The following CFAP61 variants were observed in gnomAD, a reference collection of about 807,000 sequenced individuals.
CFAP61 encodes cilia and flagella associated protein 61.
Under a neutral mutation model 135.6 loss-of-function variants are expected in CFAP61, and 107 were observed. That is an observed-to-expected ratio of 0.79 (90% CI 0.67 to 0.93). The LOEUF (loss-of-function observed/expected upper bound fraction) is 0.93, where lower values mean the gene tolerates loss of function less well. Ranked by LOEUF, CFAP61 falls within the 40% of genes least tolerant of loss-of-function variation. The probability of loss-of-function intolerance (pLI) is 0.00; values close to 1 mark genes in which losing one functional copy is unlikely to be tolerated. For synonymous variants in CFAP61, 575 were observed against 578.5 expected (o/e 0.99, Z 0.09); for missense variants, 1,507 against 1,556.2 (o/e 0.97, Z 0.53).
chr20:20,196,017 G>T (rs1478179337), intron 15 of CFAP61, among the ~76,000 whole-genome samples: 1 of 152,222 alleles, frequency 6.6e-6, no homozygotes, highest in African/African-American at 2.4e-5. Flanking sequence ...GGAGGTGAAG[G>T]TTGCAGTGAG....
chr20:20,190,899 C>T (rs1375851009), intron 14 of CFAP61, among the ~76,000 whole-genome samples: 1 of 151,992 alleles, frequency 6.6e-6, no homozygotes, highest in African/African-American at 2.4e-5. Context: ...CAGGTGGATT[C>T]CTTGAGGCCA....
chr20:20,324,194 C>T (rs907522874), intron 25 of CFAP61, among the ~76,000 whole-genome samples: 2 of 152,094 alleles, frequency 1.3e-5, no homozygotes, highest in Admixed American at 1.3e-4. Context: ...TGCCCTCTTC[C>T]TTCACAGAGC....
At chr20:20,210,582 A>G (rs1463988699) in intron 17 of CFAP61, among the ~76,000 whole-genome samples, 2 of 152,226 alleles carry the variant, frequency 1.3e-5, no homozygotes. Flanking sequence ...ATCTGCTAGT[A>G]CAAAAACAAC....
At chr20:20,276,710 C>T (rs1170974161) in intron 21 of CFAP61, among the ~76,000 whole-genome samples, 1 of 152,162 alleles carries the variant, frequency 6.6e-6, no homozygotes, top group Non-Finnish European at 1.5e-5. Context: ...GGAAAACTTC[C>T]TTGAAATCAA....
intron 8 of CFAP61, among the ~76,000 whole-genome samples, chr20:20,137,214 A>T (rs2050999146): frequency 6.6e-6 from 1 of 152,228 alleles, no homozygotes; most frequent in Non-Finnish European, 1.5e-5. Flanking sequence ...ACCTTAAGGC[A>T]GCACAGCCAT....
intron 19 of CFAP61, among the ~76,000 whole-genome samples, chr20:20,249,516 G>A (rs752565464): frequency 1.3e-5 from 2 of 152,188 alleles, no homozygotes; most frequent in Non-Finnish European, 2.9e-5. Flanking sequence ...TCTAGGCTGG[G>A]TGACAGAGTG....
At chr20:20,256,590 G>A (rs2051605781) in intron 20 of CFAP61, among the ~76,000 whole-genome samples, 1 of 152,190 alleles carries the variant, frequency 6.6e-6, no homozygotes, top group Non-Finnish European at 1.5e-5. Context: ...ATCTCCATCA[G>A]AGACAGAACT....
intron 20 of CFAP61, among the ~76,000 whole-genome samples, chr20:20,257,628 CAAAAAAA>C (rs79177514): frequency 8.1e-5 from 3 of 36,822 alleles, no homozygotes; most frequent in African/African-American, 2.4e-4. Flanking sequence ...AACAAAAAAA[CAAAAAAA>C]AAAAAGAAAA....
chr20:20,265,177 A>G (rs1397133746), intron 21 of CFAP61, among the ~76,000 whole-genome samples: 1 of 152,202 alleles, frequency 6.6e-6, no homozygotes, highest in Non-Finnish European at 1.5e-5. Flanking sequence ...GACAAAATGC[A>G]CAGTTCATCT....
chr20:20,131,357 G>C (rs1352350229), intron 8 of CFAP61, among the ~76,000 whole-genome samples: 1 of 151,556 alleles, frequency 6.6e-6, no homozygotes, highest in Non-Finnish European at 1.5e-5. Flanking sequence ...TGTTATATTT[G>C]GTAGTTCATA....
At chr20:20,109,430 C>A (rs2048641458) in intron 8 of CFAP61, among the ~76,000 whole-genome samples, 1 of 152,156 alleles carries the variant, frequency 6.6e-6, no homozygotes, top group Non-Finnish European at 1.5e-5. Context: ...GTTGAGCTCT[C>A]CTTGGGTAAA....
At chr20:20,134,200 A>G (rs533653203) in intron 8 of CFAP61, among the ~76,000 whole-genome samples, 2 of 152,368 alleles carry the variant, frequency 1.3e-5, no homozygotes, top group South Asian at 4.1e-4. Context: ...TAGCCTCCAC[A>G]TAGACTTCAT....
chr20:20,277,449 C>T lies in CFAP61; in HGVS notation c.2787C>T (p.Leu929=), dbSNP rs745413296. The change falls in exon 22 of 27, where the codon CTC becomes CTT. Residue 929 remains leucine (L), a synonymous_variant. Transcript: ENST00000245957. ...SFTTPTKPFR[L]QCSMFFSFCE... is the part of the protein sequence containing the mutation. ...CCACACCCACCAAGCCTTTCAGACT[C>T]CAGTGCTCTGTAAGTGGGTCCCTGC... The T allele has an allele frequency of 1.2e-6, 2 of 1,607,190 alleles. No homozygotes were observed. Among genetic ancestry groups the T allele is most frequent in the Non-Finnish European group, 1.7e-6 (2 of 1,175,306 alleles).
chr20:20,322,303 T>C (rs966588354), intron 25 of CFAP61, among the ~76,000 whole-genome samples: 1 of 152,198 alleles, frequency 6.6e-6, no homozygotes, highest in Non-Finnish European at 1.5e-5. Flanking sequence ...CATTAATACA[T>C]AACTGAAATG....
intron 9 of CFAP61, among the ~76,000 whole-genome samples, chr20:20,146,747 A>G (rs1403690965): frequency 6.6e-6 from 1 of 152,230 alleles, no homozygotes; most frequent in Non-Finnish European, 1.5e-5. Flanking sequence ...ACAATGTCAG[A>G]TGAAGAACAA....
chr20:20,267,905 T>G (rs1309833117), intron 21 of CFAP61: 1 of 152,194 alleles, frequency 6.6e-6, no homozygotes, highest in Non-Finnish European at 1.5e-5. Flanking sequence ...ATGTGCAGGC[T>G]GGTTGGAGTT....
intron 9 of CFAP61, among the ~76,000 whole-genome samples, chr20:20,144,262 A>G (rs899005885): frequency 6.6e-6 from 1 of 152,240 alleles, no homozygotes; most frequent in Non-Finnish European, 1.5e-5. Flanking sequence ...AGATAAATCA[A>G]TCAGTTGAAA....
intron 22 of CFAP61, among the ~76,000 whole-genome samples, chr20:20,283,082 C>T (rs1350764830): frequency 2.0e-5 from 3 of 152,152 alleles, no homozygotes; most frequent in South Asian, 2.1e-4. Context: ...TGATGTTCGA[C>T]GCTCATAAGT....
intron 25 of CFAP61, among the ~76,000 whole-genome samples, chr20:20,328,863 C>T (rs906448341): frequency 6.6e-6 from 1 of 152,142 alleles, no homozygotes; most frequent in African/African-American, 2.4e-5. Flanking sequence ...GATGGCTGCT[C>T]TCTGAAATAA....
Sources: allele counts gnomAD v4.1 joint callset (sites outside exome capture counted in the v4.1 genomes callset), GRCh38; gene constraint gnomAD v4.1.1; transcripts MANE v1.5; gene names NCBI Gene and HGNC (gene_info 2026-07-23, HGNC 2026-07-21).